RAB28: variants seen among roughly 807,000 people sequenced by gnomAD.
The protein encoded by RAB28 is ras-related protein Rab-28.
RAB28 carries 24 observed loss-of-function variants against 31.7 expected under a neutral mutation model. That is an observed-to-expected ratio of 0.76 (90% CI 0.55 to 1.06). The LOEUF is 1.06. Ranked by LOEUF, RAB28 falls within the 50% of genes least tolerant of loss-of-function variation. The probability of loss-of-function intolerance (pLI) is 0.00; values close to 1 mark genes in which losing one functional copy is unlikely to be tolerated. For missense variants in RAB28, 254 were observed against 258.5 expected (o/e 0.98, Z 0.12); for synonymous variants, 100 against 90.4 (o/e 1.11, Z -0.60).
chr4:13,430,908 T>C (rs1560290357), intron 4 of RAB28, among the ~76,000 whole-genome samples: 1 of 152,054 alleles, frequency 6.6e-6, no homozygotes. Flanking sequence ...CACCAACCAC[T>C]GAATGGGCCA....
chr4:13,415,576 T>A (rs1169806078), intron 4 of RAB28, among the ~76,000 whole-genome samples: 2 of 152,116 alleles, frequency 1.3e-5, no homozygotes, highest in African/African-American at 4.8e-5. Flanking sequence ...CCCCCAGCAG[T>A]GCCGGCCCAC....
intron 4 of RAB28, among the ~76,000 whole-genome samples, chr4:13,436,825 T>C (rs1038010836): frequency 1.3e-5 from 2 of 152,082 alleles, no homozygotes; most frequent in African/African-American, 2.4e-5. Context: ...TCCTATCAAA[T>C]TACCAATGCC....
At chr4:13,374,129 C>T (rs559550518) in intron 6 of RAB28, among the ~76,000 whole-genome samples, 1 of 152,168 alleles carries the variant, frequency 6.6e-6, no homozygotes, top group South Asian at 2.1e-4. Flanking sequence ...AATAAGGATT[C>T]TTGCTATACA....
intron 4 of RAB28, among the ~76,000 whole-genome samples, chr4:13,389,582 C>T (rs1001520008): frequency 2.6e-5 from 4 of 152,094 alleles, no homozygotes; most frequent in African/African-American, 9.7e-5. Flanking sequence ...TCTTGAAGTA[C>T]TCATCACTTA....
At chr4:13,368,718 AT>A in intron 6 of RAB28, 68 bp from the exon 7 acceptor site, 2 of 1,378,516 alleles carry the variant, frequency 1.5e-6, no homozygotes, top group Non-Finnish European at 2.0e-6. Flanking sequence ...CTTAAAGTAT[AT>A]TTTTATTTTC....
intron 4 of RAB28, among the ~76,000 whole-genome samples, chr4:13,457,625 C>A (rs796619895): frequency 7.2e-4 from 107 of 148,544 alleles, no homozygotes; most frequent in African/African-American, 2.6e-3. Context: ...AAAAAAAAAA[C>A]CTCTTGTCTT....
intron 6 of RAB28, among the ~76,000 whole-genome samples, chr4:13,373,761 T>C (rs1728809132): frequency 6.6e-6 from 1 of 152,134 alleles, no homozygotes; most frequent in South Asian, 2.1e-4. Flanking sequence ...TCACTGTAAA[T>C]ATTTATGTCA....
chr4:13,474,441 A>C, intron 2 of RAB28, 35 bp from the exon 3 acceptor site: 3 of 1,289,268 alleles, frequency 2.3e-6, no homozygotes, highest in Non-Finnish European at 2.2e-6. Flanking sequence ...AAATAAGAAT[A>C]CCAAAAAAAT....
At chr4:13,452,310 A>G (rs1034053592) in intron 4 of RAB28, among the ~76,000 whole-genome samples, 2 of 150,760 alleles carry the variant, frequency 1.3e-5, no homozygotes, top group Admixed American at 1.3e-4. Flanking sequence ...CTTTCCTTCT[A>G]CTGATTTTGG....
intron 4 of RAB28, among the ~76,000 whole-genome samples, chr4:13,404,105 C>A (rs1289090022): frequency 6.6e-6 from 1 of 152,110 alleles, no homozygotes; most frequent in Non-Finnish European, 1.5e-5. Context: ...CTTGGCCGGG[C>A]CAGTACCTCA....
Position 13,443,180 on chromosome 4 carries a change from T to C in RAB28, c.391+17519A>G, listed in dbSNP as rs1187199553. 2.1e-5 allele frequency among the ~76,000 whole-genome samples: 3 copies of C among 140,208 alleles called. No homozygotes were observed. In the East Asian group the frequency reaches 6.2e-4, roughly 29 times the overall value. The allele number at this position is 140,208 out of a possible 152,430, so 92.0% of individuals were successfully genotyped here. A position where few individuals can be genotyped will look rare whatever the true frequency, so the allele number is the denominator to read the frequency against. ...ACAACTATGTGTGTAATATAAATGG[T>C]TTTTTTTTTTTTGAGACGGAGTCTC... On this transcript the variant is annotated intron_variant, in intron 4 of 6. Coordinates refer to ENST00000330852, the MANE Select transcript of RAB28 (RefSeq NM_001017979.3).
At chr4:13,399,589 T>A (rs538841467) in intron 4 of RAB28, among the ~76,000 whole-genome samples, 1 of 152,358 alleles carries the variant, frequency 6.6e-6, no homozygotes, top group East Asian at 1.9e-4. Context: ...ACATTATCTG[T>A]CACTTGCTTT....
At chr4:13,413,958 T>C (rs1008936518) in intron 4 of RAB28, among the ~76,000 whole-genome samples, 6 of 152,256 alleles carry the variant, frequency 3.9e-5, no homozygotes, top group Admixed American at 6.5e-5. Flanking sequence ...GGAGCTATTT[T>C]CTCCTCAAGT....
intron 4 of RAB28, among the ~76,000 whole-genome samples, chr4:13,424,049 A>G (rs1200146426): frequency 6.6e-6 from 1 of 152,204 alleles, no homozygotes; most frequent in Admixed American, 6.5e-5. Context: ...CATTCTATTC[A>G]TCGGCCAATA....
intron 5 of RAB28, among the ~76,000 whole-genome samples, chr4:13,378,957 C>A (rs1454187888): frequency 1.3e-5 from 2 of 151,984 alleles, no homozygotes; most frequent in Non-Finnish European, 2.9e-5. Flanking sequence ...ACACCTGTAA[C>A]CCCAACACTT....
At chr4:13,462,421 C>CAT (rs751075690) in intron 3 of RAB28, among the ~76,000 whole-genome samples, 16 of 152,066 alleles carry the variant, frequency 1.1e-4, no homozygotes, top group Non-Finnish European at 2.2e-4. Flanking sequence ...AGAGATTAGG[C>CAT]ATATAATACC....
At chr4:13,376,508 T>G in intron 6 of RAB28, 37 bp downstream of exon 6, 1 of 1,451,576 alleles carries the variant, frequency 6.9e-7, no homozygotes, top group Non-Finnish European at 9.5e-7. Context: ...TGTAAGAAAT[T>G]CATTAATTTT....
intron 3 of RAB28, among the ~76,000 whole-genome samples, chr4:13,463,420 A>G (rs763348895): frequency 6.6e-5 from 10 of 152,186 alleles, no homozygotes; most frequent in African/African-American, 9.6e-5. Flanking sequence ...CACACTGTGT[A>G]TCTGTAGATA....
At chr4:13,378,623 A>T (rs1387430589) in intron 5 of RAB28, among the ~76,000 whole-genome samples, 1 of 152,200 alleles carries the variant, frequency 6.6e-6, no homozygotes, top group Non-Finnish European at 1.5e-5. Context: ...AAAAAATAAT[A>T]CATATGAAAG....
Sources: allele counts gnomAD v4.1 joint callset (sites outside exome capture counted in the v4.1 genomes callset), GRCh38; gene constraint gnomAD v4.1.1; transcripts MANE v1.5; gene names NCBI Gene and HGNC (gene_info 2026-07-23, HGNC 2026-07-21).